Variants in PCDHA3 observed in about 807,000 individuals in gnomAD.
PCDHA3 encodes the protein protocadherin alpha-3.
In PCDHA3, 41 loss-of-function variants were observed where a neutral mutation model predicts 62.2. That is an observed-to-expected ratio of 0.66 (90% CI 0.51 to 0.86). The LOEUF (loss-of-function observed/expected upper bound fraction) is 0.86. Ranked by LOEUF, PCDHA3 falls within the 40% of genes least tolerant of loss-of-function variation. The probability of loss-of-function intolerance (pLI) is 0.00; values close to 1 mark genes in which losing one functional copy is unlikely to be tolerated. For synonymous variants in PCDHA3, 640 were observed against 555.4 expected (o/e 1.15, Z -2.14); for missense variants, 1,304 against 1,241.2 (o/e 1.05, Z -0.76).
chr5:140,875,402 C>T, intron 1 of PCDHA3: 1 of 1,488,874 alleles, frequency 6.7e-7, no homozygotes, highest in Non-Finnish European at 8.9e-7. Flanking sequence ...AGGGTGACTG[C>T]TCATAAAATA....
Position 140,974,282 on chromosome 5 carries a change from T to C in PCDHA3, c.2395-4667T>C, listed in dbSNP as rs115449410. Among the ~76,000 whole-genome samples, 1,252 of 152,332 alleles carry C rather than the reference T, an allele frequency of 8.2e-3. 23 individuals carry two copies. The highest frequency in any genetic ancestry group is 0.028 in the African/African-American group (1,180 of 41,572). ...TTCTGGCCTTCCAGGGTCAGAACTC[T>C]GGGCTCCAAGGAGGTACAACTGTGA... On this transcript the variant is annotated intron_variant, in intron 1 of 3. Coordinates refer to ENST00000522353, the MANE Select transcript of PCDHA3 (RefSeq NM_018906.3).
At chr5:140,829,284 T>A (rs2150165150) in intron 1 of PCDHA3, 2 of 1,614,254 alleles carry the variant, frequency 1.2e-6, no homozygotes, top group South Asian at 2.2e-5. Flanking sequence ...TTCAAGCTGG[T>A]GTCCACCTTC....
At chr5:140,884,307 C>G (rs144612735) in intron 1 of PCDHA3, 1 of 1,613,724 alleles carries the variant, frequency 6.2e-7, no homozygotes. Context: ...CAGGCTTCGT[C>G]GAGGGCGTCG....
intron 1 of PCDHA3, chr5:140,805,744 C>A: frequency 3.7e-6 from 1 of 270,942 alleles, no homozygotes; most frequent in Non-Finnish European, 5.7e-6. Flanking sequence ...CAACATTGAA[C>A]TTGAAATACA....
In PCDHA3 at chr5:140,805,168, C is replaced by T. The variant is rs969521451; in HGVS notation, c.2394+1577C>T. The T allele has an allele frequency of 1.6e-5, 24 of 1,530,124 alleles. No homozygotes were observed. The African/African-American group carries it at 3.3e-4, about 21-fold the overall frequency. The allele number at this position is 1,530,124 out of a possible 1,614,324, so 94.8% of individuals were successfully genotyped here. ...TTGGAATTTTCACTTCACAGATGTACTGATGCTATGCCAAATAAATATTGA... is the reference window on the plus strand; with the variant it reads ...TTGGAATTTTCACTTCACAGATGTATTGATGCTATGCCAAATAAATATTGA... On this transcript the variant is annotated intron_variant, in intron 1 of 3. Transcript: ENST00000522353.
At chr5:140,930,616 G>T (rs2086997332) in intron 1 of PCDHA3, among the ~76,000 whole-genome samples, 2 of 152,154 alleles carry the variant, frequency 1.3e-5, no homozygotes, top group African/African-American at 4.8e-5. Context: ...TGCAAGAGAA[G>T]GAGGTGTGTA....
chr5:140,929,679 G>T lies in PCDHA3; in HGVS notation c.2395-49270G>T, dbSNP rs142104946. ...ATTTAAAGTGAAGAATGAAAAATAT[G>T]TAAGAGTCTGCTTTATATGAATATA... On this transcript the variant is annotated intron_variant, in intron 1 of 3. Coordinates refer to ENST00000522353, the MANE Select transcript of PCDHA3 (RefSeq NM_018906.3). 2.7e-3 allele frequency: 822 copies of T among 303,170 alleles called. 4 individuals are homozygous for T. Among genetic ancestry groups the T allele is most frequent in the African/African-American group, 0.017 (768 of 46,460 alleles). The allele number at this position is 303,170 out of a possible 1,614,324, so 18.8% of individuals were successfully genotyped here. A position where few individuals can be genotyped will look rare whatever the true frequency, so the allele number is the denominator to read the frequency against.
intron 1 of PCDHA3, chr5:140,854,514 T>G (rs1216926538): frequency 1.3e-5 from 2 of 149,996 alleles, no homozygotes; most frequent in Non-Finnish European, 3.0e-5. Flanking sequence ...AACTGATGGA[T>G]TAAGTGACAC....
At position 140,802,586 on chromosome 5, in the gene PCDHA3, C is replaced by A; in HGVS notation, c.1389C>A (p.Phe463Leu). ...TCTCGCAGTCCGAGTACACGGTGTT[C>A]GTGAAGGAGAACAACCCGCCGGGCT... ...PAFSQSEYTV[F>L]VKENNPPGCH... The change falls in exon 1 of 4, where the codon TTC becomes TTA. Residue 463 changes from phenylalanine to leucine, a missense_variant. Coordinates refer to ENST00000522353, the MANE Select transcript of PCDHA3 (RefSeq NM_018906.3). 1.2e-6 allele frequency: 2 copies of A among 1,614,092 alleles called. No homozygotes were observed. Among genetic ancestry groups the A allele is most frequent in the Non-Finnish European group, 1.7e-6 (2 of 1,180,026 alleles).
chr5:140,856,653 A>G (rs2044134498), intron 1 of PCDHA3: 1 of 1,598,162 alleles, frequency 6.3e-7, no homozygotes, highest in Admixed American at 1.7e-5. Flanking sequence ...CTGGATCGTG[A>G]AGAAAATCCT....
chr5:140,834,454 G>A, intron 1 of PCDHA3: 1 of 1,614,182 alleles, frequency 6.2e-7, no homozygotes, highest in South Asian at 1.1e-5. Flanking sequence ...CTAGCAGCTT[G>A]GGAGGCAGGG....
chr5:140,966,854 C>T (rs1554228784), intron 1 of PCDHA3: 2 of 1,573,744 alleles, frequency 1.3e-6, no homozygotes, highest in Admixed American at 1.8e-5. Context: ...GCCTCTCCTG[C>T]TGCTGTTGCT....
chr5:140,823,814 G>T (rs2150129341), intron 1 of PCDHA3: 1 of 1,613,762 alleles, frequency 6.2e-7, no homozygotes, highest in Non-Finnish European at 8.5e-7. Context: ...GCCTCATCGC[G>T]GGCGTCGGCG....
chr5:140,890,879 A>C (rs1448155644), intron 1 of PCDHA3, among the ~76,000 whole-genome samples: 2 of 152,112 alleles, frequency 1.3e-5, no homozygotes, highest in Non-Finnish European at 2.9e-5. Flanking sequence ...CTGACCTTTC[A>C]TCAGGGATTA....
intron 1 of PCDHA3, among the ~76,000 whole-genome samples, chr5:140,821,231 G>T (rs887712288): frequency 6.6e-6 from 1 of 152,070 alleles, no homozygotes; most frequent in Non-Finnish European, 1.5e-5. Context: ...ATAGAGATGA[G>T]AAAAGTCAAA....
intron 1 of PCDHA3, among the ~76,000 whole-genome samples, chr5:140,963,606 G>A (rs79307503): frequency 0.011 from 1,749 of 152,250 alleles, 32 homozygotes; most frequent in African/African-American, 0.039. Context: ...AGACGTAATT[G>A]GGAAAGCTTA....
At chr5:140,893,336 A>G (rs2063930718) in intron 1 of PCDHA3, among the ~76,000 whole-genome samples, 1 of 152,098 alleles carries the variant, frequency 6.6e-6, no homozygotes, top group Admixed American at 6.6e-5. Context: ...TGTTTTCCTT[A>G]GTGGCAGTGC....
chr5:140,898,035 TG>T (rs1376690690), intron 1 of PCDHA3, among the ~76,000 whole-genome samples: 1 of 152,120 alleles, frequency 6.6e-6, no homozygotes, highest in Non-Finnish European at 1.5e-5. Flanking sequence ...TTGATGGGGT[TG>T]TTTGTTTTTT....
chr5:140,908,816 G>T (rs1606122), intron 1 of PCDHA3, among the ~76,000 whole-genome samples: 42,837 of 152,040 alleles, frequency 0.28, 6,902 homozygotes, highest in East Asian at 0.53. Flanking sequence ...AGAGCCTTTT[G>T]GGTTACTCGA....
Sources: allele counts gnomAD v4.1 joint callset (sites outside exome capture counted in the v4.1 genomes callset), GRCh38; gene constraint gnomAD v4.1.1; transcripts MANE v1.5; gene names NCBI Gene and HGNC (gene_info 2026-07-23, HGNC 2026-07-21).